Variants in FOLH1 observed in about 807,000 individuals in gnomAD.
FOLH1 encodes the protein glutamate carboxypeptidase 2.
A neutral mutation model predicts 93.9 loss-of-function variants in FOLH1; 54 were observed. The ratio of observed to expected loss-of-function variants is 0.57; its 90% CI spans 0.46 to 0.72. FOLH1 has a LOEUF of 0.72. Ranked by LOEUF, FOLH1 falls within the 30% of genes least tolerant of loss-of-function variation. The pLI is 0.00. For synonymous variants in FOLH1, 249 were observed against 303.6 expected, an observed-to-expected ratio of 0.82 and a Z score of 1.87; for missense variants, 571 against 892.5, an observed-to-expected ratio of 0.64 and a Z score of 4.59.
intron 7 of FOLH1, among the ~76,000 whole-genome samples, chr11:49,181,144 G>C (rs1287226892): frequency 3.6e-5 from 5 of 137,462 alleles, no homozygotes; most frequent in African/African-American, 1.1e-4. Flanking sequence ...GTCTCACTCT[G>C]TCGCCCAGGC....
chr11:49,147,772 C>A (rs1449012206), intron 18 of FOLH1, among the ~76,000 whole-genome samples: 7 of 152,002 alleles, frequency 4.6e-5, no homozygotes, highest in African/African-American at 1.4e-4. Flanking sequence ...AATGAACGTA[C>A]AAATATTAGC....
Position 49,146,699 on chromosome 11 carries a change from G to T in FOLH1, c.*57C>A. 2.7e-6 allele frequency: 4 copies of T among 1,503,524 alleles called. No individual in the cohort carries two copies. The highest frequency in any genetic ancestry group is 2.7e-5 in the South Asian group (2 of 73,314). 93.1% of individuals were successfully genotyped at this position (1,503,524 alleles called of 1,614,324 possible). On this transcript the variant is annotated 3_prime_UTR_variant, in exon 19 of 19. Transcript: ENST00000256999. ...TAAAATTTATCAATATACCCATTAC[G>T]ATTCTTTCTGAGTGACATACCACAC...
intron 7 of FOLH1, among the ~76,000 whole-genome samples, chr11:49,177,509 C>T (rs1259792054): frequency 6.6e-6 from 1 of 151,882 alleles, no homozygotes; most frequent in Non-Finnish European, 1.5e-5. Flanking sequence ...GCAACAGAGT[C>T]CTCAGCAGAG....
At position 49,190,347 on chromosome 11, in the gene FOLH1, G is replaced by A. The variant is rs187084814; in HGVS notation, c.513+2446C>T. 8.5e-5 allele frequency among the ~76,000 whole-genome samples: 13 copies of A among 152,086 alleles called. No individual in the cohort carries two copies. In the East Asian group the frequency reaches 1.7e-3, roughly 20 times the overall value. ...CCCTCTCAGCACTTCTCAAATGCAA[G>A]TTGTCACTGTTAGAAAAGAGCTTTG... On this transcript the variant is annotated intron_variant, in intron 4 of 18. Coordinates refer to ENST00000256999, the MANE Select transcript of FOLH1 (RefSeq NM_004476.3).
At chr11:49,199,904 T>G (rs1264375597) in intron 3 of FOLH1, among the ~76,000 whole-genome samples, 2 of 149,932 alleles carry the variant, frequency 1.3e-5, no homozygotes, top group East Asian at 3.9e-4. Context: ...GGAGTGAAAC[T>G]CCATCTGGAA....
chr11:49,160,617 T>C (rs1281814001), intron 13 of FOLH1, among the ~76,000 whole-genome samples: 1 of 152,094 alleles, frequency 6.6e-6, no homozygotes, highest in Non-Finnish European at 1.5e-5. Context: ...TAATTTTTTG[T>C]ATTTTTAGTA....
chr11:49,173,499 T>G (rs1565167028), intron 9 of FOLH1, 23 bp from the exon 10 acceptor site: 1 of 1,560,424 alleles, frequency 6.4e-7, no homozygotes, highest in Admixed American at 1.8e-5. Flanking sequence ...GATACAAGAT[T>G]ATTTGTCATT....
At chr11:49,179,172 C>T (rs1328896312) in intron 7 of FOLH1, among the ~76,000 whole-genome samples, 2 of 152,076 alleles carry the variant, frequency 1.3e-5, no homozygotes, top group African/African-American at 4.8e-5. Flanking sequence ...AAAATGAGGG[C>T]GAAGAGCCTT....
chr11:49,179,027 A>G (rs1382957001), intron 7 of FOLH1, among the ~76,000 whole-genome samples: 2 of 152,262 alleles, frequency 1.3e-5, no homozygotes, highest in East Asian at 3.8e-4. Context: ...AAAACAGAAC[A>G]TCACAGAGCA....
At position 49,176,367 on chromosome 11, in the gene FOLH1, A is replaced by G. The variant is rs542769590; in HGVS notation, c.921-410T>C. On this transcript the variant is annotated intron_variant, in intron 7 of 18. Transcript: ENST00000256999. The stretch of plus-strand genomic sequence containing the variant: ...GGTATATAGTTATTTTTTACAAAGT[A>G]CTTTCATACACACCTACTAAGAAGA... Among the ~76,000 whole-genome samples, 255 of 152,328 alleles carry G rather than the reference A, an allele frequency of 1.7e-3. 1 individual carries two copies. The highest frequency in any genetic ancestry group is 5.7e-3 in the African/African-American group (239 of 41,574).
chr11:49,189,321 T>G (rs1861764267), intron 4 of FOLH1, among the ~76,000 whole-genome samples: 1 of 152,202 alleles, frequency 6.6e-6, no homozygotes, highest in Non-Finnish European at 1.5e-5. Context: ...TTATTTTGGT[T>G]ATTGTTTTCC....
At chr11:49,171,632 T>A (rs1310601868) in intron 10 of FOLH1, among the ~76,000 whole-genome samples, 4 of 152,130 alleles carry the variant, frequency 2.6e-5, no homozygotes, top group Non-Finnish European at 4.4e-5. Context: ...TGAAAGCAGA[T>A]ATAACTGAAA....
At position 49,145,659 on chromosome 11, in the gene FOLH1, T is replaced by C. The variant is rs993727899; in HGVS notation, c.*1097A>G. Among the ~76,000 whole-genome samples, 5 of 152,322 alleles carry C rather than the reference T, an allele frequency of 3.3e-5. No individual in the cohort carries two copies. The highest frequency in any genetic ancestry group is 6.8e-3 in the Middle Eastern group (2 of 294). ...GGCCACAATGTGAGGGGACTCTTCA[T>C]TGGCTGCTCCAAATTCACCATGGAG... On this transcript the variant is annotated 3_prime_UTR_variant, in exon 19 of 19. Coordinates refer to ENST00000256999, the MANE Select transcript of FOLH1 (RefSeq NM_004476.3).
chr11:49,160,207 C>T (rs1726360911), intron 13 of FOLH1, among the ~76,000 whole-genome samples: 2 of 152,054 alleles, frequency 1.3e-5, no homozygotes, highest in Admixed American at 1.3e-4. Flanking sequence ...TTATTTGAAT[C>T]TTATCACTTT....
chr11:49,203,572 T>A (rs1371783451), intron 2 of FOLH1, among the ~76,000 whole-genome samples: 1 of 152,170 alleles, frequency 6.6e-6, no homozygotes, highest in Non-Finnish European at 1.5e-5. Flanking sequence ...TTCTGGAGAT[T>A]CTGTGGTCCT....
intron 2 of FOLH1, among the ~76,000 whole-genome samples, chr11:49,202,784 G>A (rs868369119): frequency 6.6e-6 from 1 of 152,184 alleles, no homozygotes; most frequent in Non-Finnish European, 1.5e-5. Flanking sequence ...AGCTGGGCAC[G>A]GTGGCATGTG....
At position 49,168,074 on chromosome 11, in the gene FOLH1, A is replaced by C. The variant is rs141519102; in HGVS notation, c.1372+1121T>G. 4.8e-4 allele frequency among the ~76,000 whole-genome samples: 72 copies of C among 151,488 alleles called. 1 individual carries two copies. In the East Asian group the frequency reaches 0.014, roughly 29 times the overall value. On this transcript the variant is annotated intron_variant, in intron 12 of 18. Transcript: ENST00000256999. ...TTTTTTTTTTTGCAACCATACCACA[A>C]ATATTTATTTAATAAGACGTTAGGA...
chr11:49,171,769 G>C (rs1397338144), intron 10 of FOLH1, among the ~76,000 whole-genome samples: 3 of 151,940 alleles, frequency 2.0e-5, no homozygotes, highest in Non-Finnish European at 4.4e-5. Flanking sequence ...GTTAGCAACA[G>C]CAATGTTTGC....
At chr11:49,197,435 A>G (rs1030353892) in intron 3 of FOLH1, among the ~76,000 whole-genome samples, 2 of 152,324 alleles carry the variant, frequency 1.3e-5, no homozygotes, top group Non-Finnish European at 1.5e-5. Context: ...GTATAACTAA[A>G]ACAATATTAG....
Sources: allele counts gnomAD v4.1 joint callset (sites outside exome capture counted in the v4.1 genomes callset), GRCh38; gene constraint gnomAD v4.1.1; transcripts MANE v1.5; gene names NCBI Gene and HGNC (gene_info 2026-07-23, HGNC 2026-07-21).